The following ZFHX4 variants were observed in gnomAD, a reference collection of about 807,000 sequenced individuals.
ZFHX4 encodes zinc finger homeobox protein 4.
In ZFHX4, 56 loss-of-function variants were observed where a neutral mutation model predicts 267.6. The observed-to-expected ratio is 0.21, with a 90% confidence interval of 0.17 to 0.26. ZFHX4 has a LOEUF of 0.26. Ranked by LOEUF, ZFHX4 falls within the 10% of genes least tolerant of loss-of-function variation. The probability of loss-of-function intolerance (pLI) is 1.00; values close to 1 mark genes in which losing one functional copy is unlikely to be tolerated. For synonymous variants in ZFHX4, 1,778 were observed against 1,665.6 expected (o/e 1.07, Z -1.64); for missense variants, 4,332 against 4,420.0 (o/e 0.98, Z 0.56).
chr8:76,708,117 C>T lies in ZFHX4; in HGVS notation c.3093+69C>T, dbSNP rs899379825. 7 of 1,581,120 alleles carry T rather than the reference C, an allele frequency of 4.4e-6. No individual in the cohort carries two copies. In the Admixed American group the frequency reaches 8.4e-5, roughly 19 times the overall value. On this transcript the variant is annotated intron_variant, in intron 3 of 10. Coordinates refer to ENST00000651372, the MANE Select transcript of ZFHX4 (RefSeq NM_024721.5). ...GAATTAACTCTTTCAGAGCTTGGAGCACAAGTCTCCAACTTAAGGAAAAAA... is the reference window on the plus strand; with the variant it reads ...GAATTAACTCTTTCAGAGCTTGGAGTACAAGTCTCCAACTTAAGGAAAAAA...
At chr8:76,811,101 GCTAAA>G (rs1233798018) in intron 4 of ZFHX4, among the ~76,000 whole-genome samples, 3 of 152,072 alleles carry the variant, frequency 2.0e-5, no homozygotes, top group African/African-American at 7.2e-5. Flanking sequence ...GAGCCCACAA[GCTAAA>G]CCCTCATCTC....
rs1200939448 is a variant in ZFHX4, at chr8:76,862,216, C to CTTTTACATT, written c.9380-877_9380-869dup. 3.3e-5 allele frequency among the ~76,000 whole-genome samples: 5 copies of CTTTTACATT among 152,268 alleles called. No homozygotes were observed. In the East Asian group the frequency reaches 7.7e-4, roughly 24 times the overall value. On this transcript the variant is annotated intron_variant, in intron 10 of 10. Transcript: ENST00000651372. Reference sequence around the variant, plus strand: ...TGGGTACTTGAAACAAAGCAAAGATCTTTTACATTCCTCTAGGAGTTATGC... The same window carrying CTTTTACATT: ...TGGGTACTTGAAACAAAGCAAAGATCTTTTACATTTTTTACATTCCTCTAGGAGTTATGC...
chr8:76,826,312 C>T (rs898991175), intron 4 of ZFHX4, among the ~76,000 whole-genome samples: 3 of 152,280 alleles, frequency 2.0e-5, no homozygotes, highest in Admixed American at 6.5e-5. Flanking sequence ...TCACCTCCCA[C>T]CAGACCCTAC....
rs1812518842 is a variant in ZFHX4 at position 76,851,445 on chromosome 8, T to C, written c.4524T>C (p.Ser1508=). Residue 1508 remains serine, a synonymous_variant, in exon 10 of 11, where the codon TCT becomes TCC. Transcript: ENST00000651372. Reference sequence around the variant, plus strand: ...GTCCTGTAGGAAGTGATAGTAGCTCTATTCCAGATGACATGGGCTCTGAAC... The same window carrying C: ...GTCCTGTAGGAAGTGATAGTAGCTCCATTCCAGATGACATGGGCTCTGAAC... The part of the protein sequence containing the change: ...KASPVGSDSS[S]IPDDMGSEPK... The C allele has an allele frequency of 6.2e-7, 1 of 1,613,788 alleles. No individual in the cohort carries two copies. Among genetic ancestry groups the C allele is most frequent in the Non-Finnish European group, 8.5e-7 (1 of 1,179,880 alleles).
rs963526836 is a variant in ZFHX4 at position 76,863,698 on chromosome 8, G to T, written c.9984G>T (p.Glu3328Asp). 6.4e-5 allele frequency: 101 copies of T among 1,582,540 alleles called. 1 individual carries two copies. The highest frequency in any genetic ancestry group is 8.4e-5 in the Non-Finnish European group (98 of 1,163,722). ...AACAGTATCAGCAGAACCTGCAGGAGTCCCTGCAAAAGCAGCAAAAGCAAC... is the reference window on the plus strand; with the variant it reads ...AACAGTATCAGCAGAACCTGCAGGATTCCCTGCAAAAGCAGCAAAAGCAAC... The part of the protein sequence containing the change: ...QYQQYQQNLQ[E>D]SLQKQQKQQQ... Residue 3328 changes from glutamate to aspartate, a missense_variant, in exon 11 of 11, where the codon GAG becomes GAT. Glu to Asp is a conservative substitution (Grantham distance 45). This residue lies in a region of ZFHX4 where 1,648 missense variants were observed against 1,625.0 expected (regional missense o/e 1.01). Coordinates refer to ENST00000651372, the MANE Select transcript of ZFHX4 (RefSeq NM_024721.5).
Position 76,853,631 on chromosome 8 carries a change from A to T in ZFHX4, c.6710A>T (p.Gln2237Leu). ...RSSRTRFTDY[Q>L]LRVLQDFFDT... ...TCTAGAACGAGATTTACTGACTACCAGCTTAGGGTTCTGCAAGACTTTTTT... is the reference window on the plus strand; with the variant it reads ...TCTAGAACGAGATTTACTGACTACCTGCTTAGGGTTCTGCAAGACTTTTTT... The change falls in exon 10 of 11, where the codon CAG (glutamine) becomes CTG (leucine). Residue 2237 changes from glutamine (Q) to leucine (L), a missense_variant. Physicochemically the swap from Gln to Leu is moderately radical, Grantham distance 113. This residue lies in a region of ZFHX4 where 62 missense variants were observed against 69.8 expected (regional missense o/e 0.89). Transcript: ENST00000651372. 1.9e-6 allele frequency: 3 copies of T among 1,613,820 alleles called. No homozygotes were observed. The highest frequency in any genetic ancestry group is 2.5e-6 in the Non-Finnish European group (3 of 1,179,864).
chr8:76,735,439 A>G (rs1809133486), intron 3 of ZFHX4, among the ~76,000 whole-genome samples: 1 of 152,146 alleles, frequency 6.6e-6, no homozygotes, highest in African/African-American at 2.4e-5. Flanking sequence ...AGAATTCAAC[A>G]AAATTAGCAA....
chr8:76,748,497 C>T (rs929875118), intron 3 of ZFHX4, among the ~76,000 whole-genome samples: 4 of 152,160 alleles, frequency 2.6e-5, no homozygotes, highest in Non-Finnish European at 5.9e-5. Flanking sequence ...TGCAGTGGCA[C>T]GATCACAACT....
intron 1 of ZFHX4, among the ~76,000 whole-genome samples, chr8:76,692,186 A>G (rs888366749): frequency 3.3e-5 from 5 of 152,056 alleles, no homozygotes; most frequent in Admixed American, 2.0e-4. Flanking sequence ...CAGTTTTTCA[A>G]TAATTCAGAC....
At chr8:76,787,002 A>C (rs1355649755) in intron 4 of ZFHX4, among the ~76,000 whole-genome samples, 1 of 152,198 alleles carries the variant, frequency 6.6e-6, no homozygotes, top group Non-Finnish European at 1.5e-5. Context: ...AAATTTGTTA[A>C]CTCAGGGTTA....
chr8:76,862,060 A>C (rs1291457215), intron 10 of ZFHX4, among the ~76,000 whole-genome samples: 1 of 152,194 alleles, frequency 6.6e-6, no homozygotes, highest in African/African-American at 2.4e-5. Flanking sequence ...TGCCTCTAAA[A>C]ACATCTTCAA....
At chr8:76,792,447 A>G (rs1055365531) in intron 4 of ZFHX4, among the ~76,000 whole-genome samples, 1 of 152,200 alleles carries the variant, frequency 6.6e-6, no homozygotes, top group African/African-American at 2.4e-5. Context: ...TGACTCCAGA[A>G]TTAAATACCA....
chr8:76,752,921 T>G (rs1809659157), intron 3 of ZFHX4, among the ~76,000 whole-genome samples: 1 of 152,202 alleles, frequency 6.6e-6, no homozygotes, highest in South Asian at 2.1e-4. Flanking sequence ...ATAGCTGATC[T>G]ACCACCATAG....
At chr8:76,716,784 A>G (rs1376013558) in intron 3 of ZFHX4, among the ~76,000 whole-genome samples, 1 of 152,242 alleles carries the variant, frequency 6.6e-6, no homozygotes, top group Non-Finnish European at 1.5e-5. Context: ...TAAAATTGTT[A>G]GCTGCTGTAT....
intron 3 of ZFHX4, among the ~76,000 whole-genome samples, chr8:76,771,791 T>C (rs1306734756): frequency 1.3e-5 from 2 of 152,150 alleles, no homozygotes; most frequent in Non-Finnish European, 2.9e-5. Context: ...TGGCAAGAGA[T>C]GGTGGCAAAA....
chr8:76,751,765 T>G (rs994636831), intron 3 of ZFHX4, among the ~76,000 whole-genome samples: 1 of 152,166 alleles, frequency 6.6e-6, no homozygotes, highest in African/African-American at 2.4e-5. Context: ...AATATTGACT[T>G]GGAAAAGAAA....
intron 3 of ZFHX4, among the ~76,000 whole-genome samples, chr8:76,757,449 C>T (rs73693405): frequency 0.014 from 2,079 of 152,218 alleles, 46 homozygotes; most frequent in African/African-American, 0.047. Context: ...CTTCCATGCC[C>T]AGTGAGGGGC....
At chr8:76,742,992 A>T (rs1323772431) in intron 3 of ZFHX4, among the ~76,000 whole-genome samples, 1 of 152,232 alleles carries the variant, frequency 6.6e-6, no homozygotes, top group African/African-American at 2.4e-5. Flanking sequence ...TATAAAGAAG[A>T]TGATTTCTTC....
rs1406841152 is a variant in ZFHX4 at position 76,855,059 on chromosome 8, CT to C, written c.8141del (p.Leu2714Ter). 2 of 1,613,896 alleles carry C rather than the reference CT, an allele frequency of 1.2e-6. No individual in the cohort carries two copies. ...GCAGGTTACAGCTTGCCACCAAGCC[CT>C]TTAATATCCACCGAAGATGGGGGAG... Reference protein sequence around the residue: ...KQAGYSLPPSPLISTEDGGES... With the variant: ...KQAGYSLPPSXLISTEDGGES... On this transcript the variant is annotated frameshift_variant, in exon 10 of 11. Transcript: ENST00000651372. LOFTEE classifies it high-confidence loss of function.
Sources: gnomAD v4.1 joint callset for allele counts (sites outside exome capture counted in the v4.1 genomes callset) on GRCh38, gnomAD v4.1.1 for gene constraint, gnomAD v4.1.1 regional missense constraint, MANE v1.5 for transcripts, NCBI Gene and HGNC (gene_info 2026-07-23, HGNC 2026-07-21) for gene names.